Variants in AGBL1 observed in about 807,000 individuals in gnomAD.
The protein encoded by AGBL1 is AGBL carboxypeptidase 1, also known as cytosolic carboxypeptidase 4.
A neutral mutation model predicts 118.9 loss-of-function variants in AGBL1; 130 were observed. The observed-to-expected ratio is 1.09, with a 90% CI of 0.95 to 1.26. AGBL1 has a LOEUF of 1.26. AGBL1 is among the 50% of genes most tolerant of loss of function. AGBL1 has a pLI of 0.00. For synonymous variants in AGBL1, 555 were observed against 478.9 expected (o/e 1.16, Z -2.08); for missense variants, 1,584 against 1,298.1 (o/e 1.22, Z -3.38).
At chr15:86,484,610 C>T (rs572489851) in intron 18 of AGBL1, among the ~76,000 whole-genome samples, 7 of 152,128 alleles carry the variant, frequency 4.6e-5, no homozygotes, top group Non-Finnish European at 7.4e-5. Flanking sequence ...GCATTTAGTT[C>T]GCCTAAGCTT....
At chr15:86,722,487 A>C (rs2086740654) in intron 22 of AGBL1, among the ~76,000 whole-genome samples, 1 of 152,142 alleles carries the variant, frequency 6.6e-6, no homozygotes, top group Non-Finnish European at 1.5e-5. Context: ...CCTTCCTTAC[A>C]CCTTATACAA....
rs1468260285 is a variant in AGBL1 at position 86,295,394 on chromosome 15, A to G, written c.2360A>G (p.His787Arg). ...ATGCCTGAGTCCAACAGTGATGAGCATCTAGAGCAGTTCCGTGAGTAAAAT... is the reference window on the plus strand; with the variant it reads ...ATGCCTGAGTCCAACAGTGATGAGCGTCTAGAGCAGTTCCGTGAGTAAAAT... ...TAMPESNSDE[H>R]LEQFRHRPYQ... The change falls in exon 17 of 23, where the codon CAT becomes CGT. Residue 787 changes from histidine to arginine, a missense_variant. His to Arg is a conservative substitution (Grantham distance 29). Transcript: ENST00000614907. 2.7e-5 allele frequency: 42 copies of G among 1,582,208 alleles called. No individual in the cohort carries two copies. The highest frequency in any genetic ancestry group is 3.6e-5 in the Non-Finnish European group (42 of 1,166,050).
At chr15:86,174,320 A>G (rs978833693) in intron 5 of AGBL1, among the ~76,000 whole-genome samples, 6 of 152,094 alleles carry the variant, frequency 3.9e-5, no homozygotes, top group Admixed American at 3.9e-4. Context: ...TACTGAATTC[A>G]GTGATCAGTT....
chr15:86,318,696 ATT>A (rs57988335), intron 17 of AGBL1, among the ~76,000 whole-genome samples: 44 of 81,980 alleles, frequency 5.4e-4, no homozygotes, highest in African/African-American at 1.6e-3. Context: ...TTGATCATAG[ATT>A]TTTTTTTTTT....
chr15:86,970,224 T>C (rs1052205813), intron 23 of AGBL1, among the ~76,000 whole-genome samples: 2 of 151,802 alleles, frequency 1.3e-5, no homozygotes, highest in Non-Finnish European at 2.9e-5. Flanking sequence ...GATCCCAATA[T>C]ACTGGGAGGC....
chr15:86,943,386 C>A lies in AGBL1; in HGVS notation c.3222-44601C>A, dbSNP rs531298672. ...ATTCACAAAACAGTATTCAAAATTT[C>A]TATTAATTTTGGAATCTGTGATATC... On this transcript the variant is annotated intron_variant, in intron 23 of 24. Coordinates refer to the AGBL1 transcript ENST00000441037. Among the ~76,000 whole-genome samples, 13 of 152,282 alleles carry A rather than the reference C, an allele frequency of 8.5e-5. No homozygotes were observed. In the East Asian group the frequency reaches 2.5e-3, roughly 29 times the overall value.
chr15:86,301,251 A>G (rs2079739790), intron 17 of AGBL1, among the ~76,000 whole-genome samples: 1 of 152,106 alleles, frequency 6.6e-6, no homozygotes. Context: ...GAGCTTAACA[A>G]TCCATAAAGA....
At chr15:86,271,218 T>C (rs939719449) in intron 14 of AGBL1, among the ~76,000 whole-genome samples, 1 of 151,790 alleles carries the variant, frequency 6.6e-6, no homozygotes, top group Non-Finnish European at 1.5e-5. Flanking sequence ...GCCCGGCTAA[T>C]TTTTTAGTAG....
chr15:86,465,581 G>A (rs572184744), intron 18 of AGBL1, among the ~76,000 whole-genome samples: 6 of 152,256 alleles, frequency 3.9e-5, no homozygotes, highest in African/African-American at 1.4e-4. Flanking sequence ...CTGGGAAAAC[G>A]AATGCATTCC....
intron 24 of AGBL1, among the ~76,000 whole-genome samples, chr15:87,008,222 C>G (rs1461174291): frequency 6.6e-6 from 1 of 152,170 alleles, no homozygotes; most frequent in African/African-American, 2.4e-5. Flanking sequence ...CGGATCTCAT[C>G]TAGAATTCCC....
At chr15:86,715,392 A>G (rs2086622680) in intron 22 of AGBL1, among the ~76,000 whole-genome samples, 1 of 152,208 alleles carries the variant, frequency 6.6e-6, no homozygotes, top group South Asian at 2.1e-4. Flanking sequence ...GCTACAATCT[A>G]TGGTCTTCTC....
intron 18 of AGBL1, among the ~76,000 whole-genome samples, chr15:86,436,102 T>C (rs1023006954): frequency 1.5e-4 from 22 of 150,122 alleles, no homozygotes; most frequent in African/African-American, 5.2e-4. Flanking sequence ...TTTTTTTTTT[T>C]TTTTTTTGTC....
At chr15:86,091,228 C>A (rs1896002141) in intron 1 of AGBL1, among the ~76,000 whole-genome samples, 2 of 152,112 alleles carry the variant, frequency 1.3e-5, no homozygotes, top group African/African-American at 4.8e-5. Context: ...CTCCCTGTGC[C>A]AGGGAGTGGA....
intron 5 of AGBL1, among the ~76,000 whole-genome samples, chr15:86,166,145 A>G (rs1284644077): frequency 6.6e-6 from 1 of 152,208 alleles, no homozygotes; most frequent in Non-Finnish European, 1.5e-5. Context: ...CCTAACTTCA[A>G]GGCACCATTT....
intron 5 of AGBL1, among the ~76,000 whole-genome samples, chr15:86,194,333 C>T (rs1445482338): frequency 6.6e-6 from 1 of 152,236 alleles, no homozygotes; most frequent in African/African-American, 2.4e-5. Flanking sequence ...TATGCTTAAG[C>T]ATTTGCAAAG....
At chr15:86,918,056 AAG>A (rs2080446482), downstream of AGBL1, among the ~76,000 whole-genome samples, 1 of 152,214 alleles carries the variant, frequency 6.6e-6, no homozygotes, top group African/African-American at 2.4e-5. Flanking sequence ...GAAGCCACCA[AAG>A]AGAATTCAGC....
intron 21 of AGBL1, among the ~76,000 whole-genome samples, chr15:86,667,216 ATGTATGTATG>A (rs1218341218): frequency 3.3e-5 from 1 of 29,902 alleles, no homozygotes; most frequent in East Asian, 3.7e-4. Context: ...GTATGTATCT[ATGTATGTATG>A]TATGTATGTA....
Position 86,725,666 on chromosome 15 carries a change from T to G in AGBL1, c.3158+51230T>G, listed in dbSNP as rs141971431. ...CATTCCTTTGTAAAGTAGGGTTTCT[T>G]TCTACTGGTAGGTAGGACATGGGGT... is the stretch of plus-strand genomic sequence containing the variant. On this transcript the variant is annotated intron_variant, in intron 22 of 22. Coordinates refer to ENST00000614907, the MANE Select transcript of AGBL1 (RefSeq NM_001386094.1). Among the ~76,000 whole-genome samples the G allele has an allele frequency of 1.7e-3, 263 of 152,320 alleles. 3 individuals are homozygous for G. The East Asian group carries it at 0.022, about 13-fold the overall frequency.
intron 19 of AGBL1, among the ~76,000 whole-genome samples, chr15:86,525,209 C>T (rs1320436802): frequency 6.6e-6 from 1 of 151,458 alleles, no homozygotes; most frequent in Non-Finnish European, 1.5e-5. Context: ...AAGATCACTA[C>T]AACAAGAACC....
Sources: allele counts gnomAD v4.1 joint callset (sites outside exome capture counted in the v4.1 genomes callset), GRCh38; gene constraint gnomAD v4.1.1; transcripts MANE v1.5; gene names NCBI Gene and HGNC (gene_info 2026-07-23, HGNC 2026-07-21).